The following DSCAM variants were observed in gnomAD, a reference collection of about 807,000 sequenced individuals.
DSCAM encodes cell adhesion molecule DSCAM.
Under a neutral mutation model 217.7 loss-of-function variants are expected in DSCAM, and 47 were observed. That is an observed-to-expected ratio of 0.22 (90% confidence interval 0.17 to 0.28). The LOEUF (loss-of-function observed/expected upper bound fraction) is 0.28, where lower values mean the gene tolerates loss of function less well. Among genes scored for constraint, DSCAM ranks in the 10% least tolerant of loss-of-function variants. The probability of loss-of-function intolerance (pLI) is 1.00; values close to 1 mark genes in which losing one functional copy is unlikely to be tolerated. For synonymous variants in DSCAM, 1,056 were observed against 1,015.3 expected (o/e 1.04, Z -0.76); for missense variants, 2,080 against 2,618.3 (o/e 0.79, Z 4.49).
intron 3 of DSCAM, among the ~76,000 whole-genome samples, chr21:40,516,924 C>A (rs1021434793): frequency 6.8e-6 from 1 of 146,706 alleles, no homozygotes; most frequent in Admixed American, 6.9e-5. Context: ...CACACATATA[C>A]CTTATATATT....
intron 3 of DSCAM, among the ~76,000 whole-genome samples, chr21:40,616,516 A>T (rs551257667): frequency 1.3e-5 from 2 of 152,306 alleles, no homozygotes; most frequent in Admixed American, 6.5e-5. Flanking sequence ...CACTTGGCTT[A>T]CATCACTGAA....
chr21:40,605,156 T>G (rs1047838860), intron 3 of DSCAM, among the ~76,000 whole-genome samples: 1 of 152,182 alleles, frequency 6.6e-6, no homozygotes, highest in African/African-American at 2.4e-5. Flanking sequence ...CTAGGAAATA[T>G]TAACTCTCAA....
rs1246449027 is a variant in DSCAM, at chr21:40,078,750, C to G, written c.4648G>C (p.Val1550Leu). The change falls in exon 26 of 33, where the codon GTG becomes CTG. Residue 1550 changes from valine (V) to leucine (L), a missense_variant. Physicochemically the swap from Val to Leu is conservative, Grantham distance 32 (BLOSUM62 1). Coordinates refer to ENST00000400454, the MANE Select transcript of DSCAM (RefSeq NM_001389.5). ...EATWYELQMR[V>L]CNSAGCAEKQ... ...TCCGCGCAGCCCGCACTGTTGCACA[C>G]CCGCATCTGCAGCTCATACCAGGTG... 9.3e-6 allele frequency: 15 copies of G among 1,614,242 alleles called. No individual in the cohort carries two copies. The highest frequency in any genetic ancestry group is 1.3e-5 in the Non-Finnish European group (15 of 1,180,046).
At chr21:40,728,107 A>G (rs933501058) in intron 1 of DSCAM, among the ~76,000 whole-genome samples, 19 of 152,042 alleles carry the variant, frequency 1.2e-4, no homozygotes, top group African/African-American at 3.6e-4. Flanking sequence ...CCTCCGACCC[A>G]CGCCTGCACT....
At chr21:40,459,623 C>T (rs955780497) in intron 3 of DSCAM, among the ~76,000 whole-genome samples, 3 of 152,070 alleles carry the variant, frequency 2.0e-5, no homozygotes, top group African/African-American at 7.2e-5. Context: ...ACAAAATGAC[C>T]ATTGAGTAAG....
In DSCAM at chr21:40,460,459, T is replaced by A. The variant is rs188058311; in HGVS notation, c.509-91214A>T. ...AAGATCTGAGTATGATACAAAATTA[T>A]GATTCCATAAACAACTTAGAAACTT... On this transcript the variant is annotated intron_variant, in intron 3 of 32. Coordinates refer to ENST00000400454, the MANE Select transcript of DSCAM (RefSeq NM_001389.5). Among the ~76,000 whole-genome samples, 356 of 152,318 alleles carry A rather than the reference T, an allele frequency of 2.3e-3. 6 individuals carry two copies. The highest frequency in any genetic ancestry group is 2.2e-3 in the Non-Finnish European group (151 of 68,030).
intron 3 of DSCAM, among the ~76,000 whole-genome samples, chr21:40,582,765 C>T (rs577652175): frequency 1.3e-5 from 2 of 152,174 alleles, no homozygotes; most frequent in Admixed American, 1.3e-4. Flanking sequence ...TTGAACATTG[C>T]CTTACTAGAA....
chr21:40,334,687 G>A (rs2074411269), intron 8 of DSCAM, among the ~76,000 whole-genome samples: 2 of 149,180 alleles, frequency 1.3e-5, no homozygotes, highest in South Asian at 4.4e-4. Context: ...CTGGAGTGCA[G>A]TGTCTATTCA....
At chr21:40,780,305 C>T (rs941200732) in intron 1 of DSCAM, among the ~76,000 whole-genome samples, 4 of 151,864 alleles carry the variant, frequency 2.6e-5, no homozygotes, top group African/African-American at 9.7e-5. Context: ...GACATGCAAC[C>T]TCTTGGCCAC....
chr21:40,587,572 A>G (rs1026950457), intron 3 of DSCAM, among the ~76,000 whole-genome samples: 3 of 152,266 alleles, frequency 2.0e-5, no homozygotes, highest in East Asian at 1.9e-4. Flanking sequence ...ATGCCTTTCA[A>G]TAAACATCAT....
At chr21:40,518,868 G>T (rs1258058973) in intron 3 of DSCAM, among the ~76,000 whole-genome samples, 2 of 151,826 alleles carry the variant, frequency 1.3e-5, no homozygotes, top group Non-Finnish European at 2.9e-5. Flanking sequence ...TGTGCTTAAT[G>T]CAAACCTAGA....
chr21:40,369,329 T>C, intron 3 of DSCAM, 84 bp from the exon 4 acceptor site: 3 of 1,420,970 alleles, frequency 2.1e-6, no homozygotes, highest in Non-Finnish European at 2.8e-6. Context: ...ACAGTTTTTT[T>C]TTTCCCCCAC....
chr21:40,708,340 G>T, intron 2 of DSCAM, 114 bp downstream of exon 2: 1 of 881,524 alleles, frequency 1.1e-6, no homozygotes, highest in Non-Finnish European at 1.6e-6. Flanking sequence ...AGAATGAACT[G>T]ATGATGGGGT....
At chr21:40,337,638 T>A (rs764631053) in intron 8 of DSCAM, among the ~76,000 whole-genome samples, 15 of 152,198 alleles carry the variant, frequency 9.9e-5, no homozygotes, top group Non-Finnish European at 2.1e-4. Context: ...TTTAAACATA[T>A]AATTTCTATG....
chr21:40,251,182 G>C (rs73368160), intron 11 of DSCAM, among the ~76,000 whole-genome samples: 2,209 of 152,342 alleles, frequency 0.015, 54 homozygotes, highest in African/African-American at 0.05. Context: ...CACAGTTACT[G>C]GGCTGGCCAT....
chr21:40,444,987 A>C (rs1282718552), intron 3 of DSCAM, among the ~76,000 whole-genome samples: 2 of 152,164 alleles, frequency 1.3e-5, no homozygotes, highest in Non-Finnish European at 2.9e-5. Context: ...TGCTATAACA[A>C]AATATGGTTC....
At chr21:40,448,532 G>A (rs960805030) in intron 3 of DSCAM, among the ~76,000 whole-genome samples, 3 of 152,072 alleles carry the variant, frequency 2.0e-5, no homozygotes, top group Admixed American at 1.3e-4. Flanking sequence ...GGTTCAGCTT[G>A]TAGGGAAATG....
chr21:40,776,492 G>A (rs1033542640), intron 1 of DSCAM, among the ~76,000 whole-genome samples: 3 of 152,182 alleles, frequency 2.0e-5, no homozygotes, highest in African/African-American at 7.2e-5. Flanking sequence ...ATACAAGAGG[G>A]TAAATTGATC....
intron 11 of DSCAM, among the ~76,000 whole-genome samples, chr21:40,259,062 C>T (rs751124053): frequency 6.6e-5 from 10 of 152,208 alleles, no homozygotes; most frequent in East Asian, 1.9e-4. Flanking sequence ...GTATTTCTAA[C>T]GTCTGGAAAG....
Sources: gnomAD v4.1 joint callset for allele counts (sites outside exome capture counted in the v4.1 genomes callset) on GRCh38, gnomAD v4.1.1 for gene constraint, MANE v1.5 for transcripts, NCBI Gene and HGNC (gene_info 2026-07-23, HGNC 2026-07-21) for gene names.